Variants in ASB7 observed in about 807,000 individuals in gnomAD.
ASB7 encodes ankyrin repeat and SOCS box protein 7.
A neutral mutation model predicts 32.5 loss-of-function variants in ASB7; 4 were observed. The ratio of observed to expected loss-of-function variants is 0.12; its 90% CI spans 0.06 to 0.28. ASB7 has a LOEUF of 0.28. Ranked by LOEUF, ASB7 falls within the 10% of genes least tolerant of loss-of-function variation. ASB7 has a pLI of 1.00. For synonymous variants in ASB7, 172 were observed against 155.6 expected, an observed-to-expected ratio of 1.11 and a Z score of -0.78; for missense variants, 181 against 407.1, an observed-to-expected ratio of 0.44 and a Z score of 4.78.
chr15:100,631,214 T>C (rs7180565), intron 5 of ASB7, among the ~76,000 whole-genome samples: 79 of 152,346 alleles, frequency 5.2e-4, no homozygotes, highest in African/African-American at 1.8e-3. Context: ...TTGGAAATGG[T>C]CTCTCCTTGC....
intron 5 of ASB7, among the ~76,000 whole-genome samples, chr15:100,643,967 G>T (rs1378669822): frequency 1.3e-5 from 2 of 152,044 alleles, no homozygotes; most frequent in East Asian, 1.9e-4. Flanking sequence ...ATTAAAAAGG[G>T]CCTGGCATGG....
At position 100,629,443 on chromosome 15, in the gene ASB7, C is replaced by G. The variant is rs1466066977; in HGVS notation, c.218C>G (p.Pro73Arg). 1 of 1,606,278 alleles carries G rather than the reference C, an allele frequency of 6.2e-7. No homozygotes were observed. Residue 73 changes from proline (P) to arginine (R), a missense_variant, in exon 5 of 6, where the codon CCT becomes CGT. Physicochemically the swap from Pro to Arg is moderately radical, Grantham distance 103 (BLOSUM62 -2). Coordinates refer to ENST00000332783, the MANE Select transcript of ASB7 (RefSeq NM_198243.3). The surrounding 1 kb of genome is among the most constrained non-coding windows in gnomAD (Gnocchi z 6.8). ...VRVFLEHGAD[P>R]TVKDLIGGFT... Reference sequence around the variant, plus strand: ...ATTTTGGTTTTAACTCCAGCTGATCCTACAGTTAAAGACTTAATCGGAGGC... The same window carrying G: ...ATTTTGGTTTTAACTCCAGCTGATCGTACAGTTAAAGACTTAATCGGAGGC...
intron 5 of ASB7, among the ~76,000 whole-genome samples, chr15:100,638,125 C>T (rs959105179): frequency 6.6e-6 from 1 of 151,966 alleles, no homozygotes. Flanking sequence ...GCAAGGGGGT[C>T]CTAAAACTAA....
chr15:100,619,912 A>G (rs965027723), intron 4 of ASB7, among the ~76,000 whole-genome samples: 1 of 152,228 alleles, frequency 6.6e-6, no homozygotes, highest in African/African-American at 2.4e-5. Context: ...AAAGGGTAAC[A>G]GTGTGGCTCT....
intron 2 of ASB7, among the ~76,000 whole-genome samples, chr15:100,604,611 G>A (rs1353479458): frequency 6.6e-6 from 1 of 152,184 alleles, no homozygotes; most frequent in Non-Finnish European, 1.5e-5. Flanking sequence ...AAGGGGATCT[G>A]AGGTATGCAT....
At chr15:100,626,146 A>T (rs1229569931) in intron 4 of ASB7, among the ~76,000 whole-genome samples, 1 of 152,210 alleles carries the variant, frequency 6.6e-6, no homozygotes, top group African/African-American at 2.4e-5. Flanking sequence ...AATGGGCTTC[A>T]TCAAAATTAA....
intron 5 of ASB7, among the ~76,000 whole-genome samples, chr15:100,634,828 T>G (rs2039910639): frequency 6.6e-6 from 1 of 151,408 alleles, no homozygotes; most frequent in Non-Finnish European, 1.5e-5. Context: ...AAGAAAGAAA[T>G]AGTAGCTGCA....
chr15:100,603,426 A>G (rs1279704872), intron 2 of ASB7, 113 bp downstream of exon 2: 1 of 87,644 alleles, frequency 1.1e-5, no homozygotes, highest in Non-Finnish European at 2.3e-5. Flanking sequence ...TACCCCCCCC[A>G]CCCCCACCCC....
chr15:100,639,379 A>C (rs1261879958), intron 5 of ASB7, among the ~76,000 whole-genome samples: 1 of 152,258 alleles, frequency 6.6e-6, no homozygotes. Flanking sequence ...TAAGACTTTA[A>C]AGGCAGCGTT....
At chr15:100,616,296 CTCTT>C (rs1319100993) in intron 4 of ASB7, among the ~76,000 whole-genome samples, 2 of 146,660 alleles carry the variant, frequency 1.4e-5, no homozygotes, top group African/African-American at 5.0e-5. Context: ...AATGTTTTCT[CTCTT>C]TCTGTAGTTT....
chr15:100,636,502 C>T (rs1044856824), intron 5 of ASB7, among the ~76,000 whole-genome samples: 6 of 152,144 alleles, frequency 3.9e-5, no homozygotes, highest in East Asian at 1.9e-4. Context: ...GTGTCAGAGG[C>T]GCTGTTGAAT....
rs959779834 is a variant in ASB7, at chr15:100,629,018, C to G, written c.212-419C>G. On this transcript the variant is annotated intron_variant, in intron 4 of 5. Coordinates refer to ENST00000332783, the MANE Select transcript of ASB7 (RefSeq NM_198243.3). This position sits in a 1 kb window ranked among gnomAD's most constrained non-coding sequence, Gnocchi z 6.8. ...CTGTAATTTAGAGCAGCAGATGTTGCTACACATGCTTCTCTTTAAGACCGA... is the reference window on the plus strand; with the variant it reads ...CTGTAATTTAGAGCAGCAGATGTTGGTACACATGCTTCTCTTTAAGACCGA... Among the ~76,000 whole-genome samples, 5 of 152,050 alleles carry G rather than the reference C, an allele frequency of 3.3e-5. No homozygotes were observed.
chr15:100,622,210 A>AAAGAAAAAAG (rs1247319847), intron 4 of ASB7, among the ~76,000 whole-genome samples: 1 of 151,936 alleles, frequency 6.6e-6, no homozygotes, highest in Non-Finnish European at 1.5e-5. Flanking sequence ...CAAAAAGAAA[A>AAAGAAAAAAG]AAGAAAAAAA....
rs200815939 is a variant in ASB7, at chr15:100,629,591, T to C, written c.366T>C (p.His122=). 221 of 1,614,234 alleles carry C rather than the reference T, an allele frequency of 1.4e-4. No homozygotes were observed. In the East Asian group the frequency reaches 4.2e-3, roughly 31 times the overall value. Residue 122 remains histidine (H), a synonymous_variant, in exon 5 of 6, where the codon CAT becomes CAC. Transcript: ENST00000332783. The surrounding 1 kb of genome is among the most constrained non-coding windows in gnomAD (Gnocchi z 6.8). ...GCAATGACGGCTGGACTCCCCTCCATGTGGCTGCCCACTACGGCAGGGACT... is the reference window on the plus strand; with the variant it reads ...GCAATGACGGCTGGACTCCCCTCCACGTGGCTGCCCACTACGGCAGGGACT... ...AKSNDGWTPL[H]VAAHYGRDSF... is the part of the protein sequence containing the mutation.
Position 100,624,145 on chromosome 15 carries a change from G to A in ASB7, c.212-5292G>A, listed in dbSNP as rs115531416. On this transcript the variant is annotated intron_variant, in intron 4 of 5. Transcript: ENST00000332783. ...AGAGAATAGAAGATAGAAAACAGAG[G>A]CTGGGAAGGGTATGTTGGTGGTAGG... 4.4e-3 allele frequency among the ~76,000 whole-genome samples: 663 copies of A among 152,296 alleles called. 2 individuals are homozygous for A. Among genetic ancestry groups the A allele is most frequent in the African/African-American group, 0.015 (628 of 41,556 alleles).
chr15:100,607,883 C>T (rs577202979), intron 2 of ASB7, among the ~76,000 whole-genome samples: 1 of 152,302 alleles, frequency 6.6e-6, no homozygotes, highest in South Asian at 2.1e-4. Flanking sequence ...TACCACCAGG[C>T]CTTTTCTTGA....
intron 4 of ASB7, among the ~76,000 whole-genome samples, chr15:100,628,271 A>T (rs188290723): frequency 1.3e-5 from 2 of 152,224 alleles, no homozygotes; most frequent in African/African-American, 4.8e-5. Context: ...GTTATTTTAC[A>T]TATAGTTTTC....
At chr15:100,647,332 A>G in intron 5 of ASB7, among the ~76,000 whole-genome samples, 1 of 152,234 alleles carries the variant, frequency 6.6e-6, no homozygotes, top group East Asian at 1.9e-4. Flanking sequence ...ATGATGATCA[A>G]AGTACTTCCC....
chr15:100,607,131 A>AG (rs1412754203), intron 2 of ASB7, among the ~76,000 whole-genome samples: 1 of 151,744 alleles, frequency 6.6e-6, no homozygotes, highest in Non-Finnish European at 1.5e-5. Flanking sequence ...CCAGCCTGGC[A>AG]ATAGAGCGAG....
Sources: gnomAD v4.1 joint callset for allele counts (sites outside exome capture counted in the v4.1 genomes callset) on GRCh38, gnomAD v4.1.1 for gene constraint, Gnocchi (gnomAD v3.1) non-coding constraint, MANE v1.5 for transcripts, NCBI Gene and HGNC (gene_info 2026-07-23, HGNC 2026-07-21) for gene names.